The following MYOF variants were observed in gnomAD, a reference collection of about 807,000 sequenced individuals.
MYOF encodes the protein fer-1-like 3, myoferlin.
A neutral mutation model predicts 284.2 loss-of-function variants in MYOF; 244 were observed. The observed-to-expected ratio is 0.86, with a 90% CI of 0.77 to 0.95. MYOF has a LOEUF of 0.95. Ranked by LOEUF, MYOF falls within the 40% of genes least tolerant of loss-of-function variation. MYOF has a pLI of 0.00. For synonymous variants in MYOF, 904 were observed against 919.7 expected (o/e 0.98, Z 0.31); for missense variants, 2,496 against 2,560.6 (o/e 0.97, Z 0.54).
intron 19 of MYOF, among the ~76,000 whole-genome samples, chr10:93,383,779 G>A (rs996854556): frequency 2.0e-5 from 3 of 152,128 alleles, no homozygotes; most frequent in Non-Finnish European, 2.9e-5. Context: ...GAAAATGACC[G>A]GTATTTAAGC....
At chr10:93,409,766 A>G (rs757539618) in intron 5 of MYOF, 27 bp from the exon 6 acceptor site, 1 of 1,613,544 alleles carries the variant, frequency 6.2e-7, no homozygotes, top group South Asian at 1.1e-5. Flanking sequence ...AAACCCAGTG[A>G]GGGATAGCCC....
Position 93,452,057 on chromosome 10 carries a change from G to T in MYOF, c.229C>A (p.Gln77Lys), listed in dbSNP as rs967824964. The change falls in exon 3 of 54, where the codon CAA becomes AAA. Residue 77 changes from glutamine to lysine, a missense_variant. Gln to Lys is a moderately conservative substitution (Grantham distance 53). Transcript: ENST00000359263. ...IIVKDFETIG[Q>K]NKLIGTATVA... is the part of the protein sequence containing the mutation. ...CAGGTGAAAACAACTTACTTATTTTGTCCAATTGTCTCAAAATCTTTCACA... is the reference window on the plus strand; with the variant it reads ...CAGGTGAAAACAACTTACTTATTTTTTCCAATTGTCTCAAAATCTTTCACA... The T allele has an allele frequency of 1.9e-6, 3 of 1,608,806 alleles. No individual in the cohort carries two copies. Among genetic ancestry groups the T allele is most frequent in the Non-Finnish European group, 2.5e-6 (3 of 1,176,502 alleles).
chr10:93,376,098 A>G (rs542568432), intron 22 of MYOF, among the ~76,000 whole-genome samples: 2 of 152,352 alleles, frequency 1.3e-5, no homozygotes, highest in South Asian at 4.1e-4. Flanking sequence ...AAAGATTCCA[A>G]TTTGATTCCT....
intron 24 of MYOF, among the ~76,000 whole-genome samples, chr10:93,372,437 GTC>G (rs1380091139): frequency 1.3e-5 from 2 of 152,184 alleles, no homozygotes; most frequent in African/African-American, 4.8e-5. Flanking sequence ...ACTTAAGAGA[GTC>G]TATGACTCTA....
chr10:93,323,631 A>C, intron 46 of MYOF: 1 of 432,226 alleles, frequency 2.3e-6, no homozygotes, highest in Non-Finnish European at 4.1e-6. Context: ...CCTGGTTAAT[A>C]AAACTGCAGA....
At chr10:93,334,685 C>T (rs1417402244) in intron 41 of MYOF, among the ~76,000 whole-genome samples, 6 of 152,108 alleles carry the variant, frequency 3.9e-5, no homozygotes, top group East Asian at 1.9e-4. Context: ...GCACTGAAGC[C>T]GGATTCAGAA....
rs568255714 is a variant in MYOF at position 93,335,589 on chromosome 10, C to T, written c.4563+332G>A. Among the ~76,000 whole-genome samples, 8 of 136,166 alleles carry T rather than the reference C, an allele frequency of 5.9e-5. No individual in the cohort carries two copies. In the East Asian group the frequency reaches 1.2e-3, roughly 20 times the overall value. The allele number at this position is 136,166 out of a possible 152,430, so 89.3% of individuals were successfully genotyped here. ...TATCTTAGGATTCAAGGCTGCTTGG[C>T]GTGAGCAGGGAGGCAGGAAGAGATG... On this transcript the variant is annotated intron_variant, in intron 41 of 53. Coordinates refer to ENST00000359263, the MANE Select transcript of MYOF (RefSeq NM_013451.4).
intron 39 of MYOF, among the ~76,000 whole-genome samples, chr10:93,339,753 G>A (rs1347695343): frequency 6.6e-6 from 1 of 151,824 alleles, no homozygotes; most frequent in Non-Finnish European, 1.5e-5. Flanking sequence ...ATAGGCGTGA[G>A]CCACTGTGCC....
intron 38 of MYOF, chr10:93,342,080 T>A (rs41308669): frequency 3.2e-6 from 2 of 628,314 alleles, no homozygotes; most frequent in Non-Finnish European, 4.9e-6. Flanking sequence ...CTTGTGATAG[T>A]GCTCAGCCCA....
chr10:93,475,950 G>A (rs993582089), intron 1 of MYOF, among the ~76,000 whole-genome samples: 1 of 152,214 alleles, frequency 6.6e-6, no homozygotes. Context: ...CTTCCATAGG[G>A]TGGGGCCACT....
At chr10:93,358,356 G>A (rs1844909088) in intron 29 of MYOF, among the ~76,000 whole-genome samples, 1 of 152,178 alleles carries the variant, frequency 6.6e-6, no homozygotes, top group Admixed American at 6.5e-5. Flanking sequence ...TGGTGGGAGT[G>A]TAAATTAGTT....
intron 45 of MYOF, among the ~76,000 whole-genome samples, chr10:93,326,582 T>G (rs1843056078): frequency 6.6e-6 from 1 of 152,140 alleles, no homozygotes; most frequent in Non-Finnish European, 1.5e-5. Context: ...ACACGGAAAT[T>G]TGGAGGTTCA....
At chr10:93,381,121 G>T in intron 20 of MYOF, 98 bp downstream of exon 20, 1 of 1,301,640 alleles carries the variant, frequency 7.7e-7, no homozygotes, top group Non-Finnish European at 1.1e-6. Flanking sequence ...ACCATAGGCT[G>T]CGTAGAACAG....
At chr10:93,357,703 T>C (rs896834384) in intron 29 of MYOF, among the ~76,000 whole-genome samples, 1 of 152,242 alleles carries the variant, frequency 6.6e-6, no homozygotes, top group Admixed American at 6.5e-5. Context: ...TTAAGCATAA[T>C]CTTGTACCTG....
At chr10:93,308,539 C>T (rs1323133949) in intron 53 of MYOF, among the ~76,000 whole-genome samples, 107 of 136,956 alleles carry the variant, frequency 7.8e-4, no homozygotes, top group African/African-American at 2.3e-3. Context: ...GAGCCGAGAT[C>T]GTGCCACTGT....
At chr10:93,378,707 ATATATATATG>A in intron 21 of MYOF, among the ~76,000 whole-genome samples, 1 of 133,430 alleles carries the variant, frequency 7.5e-6, no homozygotes, top group East Asian at 2.5e-4. Flanking sequence ...ATATATATAT[ATATATATATG>A]TATATATTTA....
chr10:93,450,275 C>T (rs2056553690), intron 3 of MYOF, among the ~76,000 whole-genome samples: 1 of 152,196 alleles, frequency 6.6e-6, no homozygotes, highest in African/African-American at 2.4e-5. Flanking sequence ...GCCTGTAGTC[C>T]CAGCTACTCA....
intron 38 of MYOF, among the ~76,000 whole-genome samples, chr10:93,341,679 T>C (rs787694): frequency 0.3 from 45,990 of 152,192 alleles, 8,221 homozygotes; most frequent in Middle Eastern, 0.43. Context: ...GGAAAGGTTA[T>C]GGAAGCAACT....
At position 93,372,824 on chromosome 10, in the gene MYOF, A is replaced by G. The variant is rs902093849; in HGVS notation, c.2457+106T>C. ...CCAGGATGGGCTAGAATTGATCCCAATCACCCTTACCATTCAATGATTTGC... is the reference window on the plus strand; with the variant it reads ...CCAGGATGGGCTAGAATTGATCCCAGTCACCCTTACCATTCAATGATTTGC... On this transcript the variant is annotated intron_variant, in intron 24 of 53. Transcript: ENST00000359263. 4 of 1,356,392 alleles carry G rather than the reference A, an allele frequency of 2.9e-6. No individual in the cohort carries two copies. The Admixed American group carries it at 5.3e-5, about 18-fold the overall frequency. 84.0% of individuals were successfully genotyped at this position (1,356,392 alleles called of 1,614,324 possible).
Sources: gnomAD v4.1 joint callset for allele counts (sites outside exome capture counted in the v4.1 genomes callset) on GRCh38, gnomAD v4.1.1 for gene constraint, MANE v1.5 for transcripts, NCBI Gene and HGNC (gene_info 2026-07-23, HGNC 2026-07-21) for gene names.